Variants in PDE4C observed in about 807,000 individuals in gnomAD.
The protein encoded by PDE4C is phosphodiesterase 4C, also known as 3',5'-cyclic-AMP phosphodiesterase 4C.
A neutral mutation model predicts 63.9 loss-of-function variants in PDE4C; 50 were observed. The ratio of observed to expected loss-of-function variants is 0.78; its 90% CI spans 0.62 to 0.99. The LOEUF is 0.99. PDE4C is among the 50% of genes least tolerant of loss of function. The probability of loss-of-function intolerance (pLI) is 0.00; values close to 1 mark genes in which losing one functional copy is unlikely to be tolerated. For missense variants in PDE4C, 777 were observed against 899.1 expected (o/e 0.86, Z 1.74); for synonymous variants, 377 against 385.1 (o/e 0.98, Z 0.25).
chr19:18,210,607 AC>A (rs1207448632), exon 15 of PDE4C: 6 of 248,766 alleles, frequency 2.4e-5, no homozygotes, highest in African/African-American at 8.9e-5. Context: ...CTCAAGAGTG[AC>A]CACTGGAGAG....
At chr19:18,244,016 G>A (rs1218256845) in intron 1 of PDE4C, among the ~76,000 whole-genome samples, 1 of 151,634 alleles carries the variant, frequency 6.6e-6, no homozygotes, top group Non-Finnish European at 1.5e-5. Context: ...CACGATGCCA[G>A]GCTAATCTTT....
chr19:18,213,275 C>T (rs982511945), intron 13 of PDE4C, 93 bp downstream of exon 13: 4 of 1,174,610 alleles, frequency 3.4e-6, no homozygotes, highest in African/African-American at 1.6e-5. Flanking sequence ...CAGAGTGAGA[C>T]TCCGTCTCAA....
At chr19:18,244,005 C>A (rs1259534886) in intron 1 of PDE4C, among the ~76,000 whole-genome samples, 2 of 152,090 alleles carry the variant, frequency 1.3e-5, no homozygotes, top group African/African-American at 4.8e-5. Context: ...CAGGCGCCCA[C>A]CACGATGCCA....
upstream of PDE4C, chr19:18,252,513 C>T (rs1213998916): frequency 2.5e-6 from 1 of 398,788 alleles, no homozygotes; most frequent in East Asian, 3.6e-5. Context: ...GCCTGTAATT[C>T]CAGCACTTTG....
chr19:18,226,466 T>C, exon 1 of PDE4C: 1 of 1,329,724 alleles, frequency 7.5e-7, no homozygotes, highest in Non-Finnish European at 9.6e-7. Context: ...CGGGACCTTT[T>C]CTGGACAGCT....
chr19:18,210,057 G>A (rs1967860619), downstream of PDE4C: 2 of 152,296 alleles, frequency 1.3e-5, no homozygotes, highest in African/African-American at 4.8e-5. Flanking sequence ...ATCTTGCTGT[G>A]TTGCCCAGGC....
At chr19:18,228,004 C>T (rs145520479), upstream of PDE4C, among the ~76,000 whole-genome samples, 97 of 152,262 alleles carry the variant, frequency 6.4e-4, 1 homozygote, top group African/African-American at 1.8e-3. Context: ...CCCTAACCCC[C>T]GCAGTCTTGC....
intron 2 of PDE4C, 113 bp from the exon 3 acceptor site, chr19:18,221,410 C>G: frequency 1.8e-6 from 2 of 1,105,234 alleles, no homozygotes; most frequent in Non-Finnish European, 2.6e-6. Context: ...CTCCAGGCTC[C>G]TTCTTAGTCC....
intron 1 of PDE4C, among the ~76,000 whole-genome samples, chr19:18,222,902 T>C (rs1968556065): frequency 6.6e-6 from 1 of 151,842 alleles, no homozygotes; most frequent in African/African-American, 2.4e-5. Context: ...GTCTCACTAT[T>C]TTGCCCAGGC....
exon 1 of PDE4C, chr19:18,233,540 A>C: frequency 1.8e-6 from 1 of 551,768 alleles, no homozygotes; most frequent in Non-Finnish European, 3.5e-6. Context: ...CAAGACAAGG[A>C]CTTGGAGTGG....
exon 13 of PDE4C, chr19:18,213,483 GCCA>G (rs1180482084): frequency 6.2e-7 from 1 of 1,611,574 alleles, no homozygotes; most frequent in African/African-American, 1.3e-5. Context: ...CATGTCTGTG[GCCA>G]GCACCTGGGG....
chr19:18,215,486 T>TA (rs10712414), intron 12 of PDE4C, among the ~76,000 whole-genome samples: 52 of 146,176 alleles, frequency 3.6e-4, no homozygotes, highest in East Asian at 2.8e-3. Context: ...TGCCCCTACC[T>TA]AAAAAAAAAA....
chr19:18,221,234 A>C, intron 3 of PDE4C, 27 bp downstream of exon 3: 1 of 1,060,588 alleles, frequency 9.4e-7, no homozygotes, highest in East Asian at 3.5e-5. Context: ...GGAGGGGGTC[A>C]GGGCAGGGAG....
upstream of PDE4C, among the ~76,000 whole-genome samples, chr19:18,234,846 A>C (rs995652888): frequency 6.6e-6 from 1 of 152,106 alleles, no homozygotes; most frequent in African/African-American, 2.4e-5. Context: ...TGTGTGACGC[A>C]TGACAAATGA....
intron 1 of PDE4C, among the ~76,000 whole-genome samples, chr19:18,247,019 G>C (rs4808120): frequency 6.6e-6 from 1 of 152,066 alleles, no homozygotes; most frequent in Non-Finnish European, 1.5e-5. Context: ...TCCAGCCCCC[G>C]CAGGGTTTTC....
chr19:18,213,567 ACT>A, intron 12 of PDE4C, 77 bp from the exon 13 acceptor site: 1 of 1,486,376 alleles, frequency 6.7e-7, no homozygotes, highest in Non-Finnish European at 9.1e-7. Context: ...CCCAGATGCC[ACT>A]CTGGCTCAGA....
intron 1 of PDE4C, among the ~76,000 whole-genome samples, chr19:18,247,450 T>C (rs144384103): frequency 1.3e-5 from 2 of 152,292 alleles, no homozygotes; most frequent in Non-Finnish European, 2.9e-5. Context: ...TGAGCCACCA[T>C]GCCCAGCTAA....
chr19:18,216,780 G>A, exon 12 of PDE4C: 1 of 1,600,198 alleles, frequency 6.2e-7, no homozygotes, highest in Non-Finnish European at 8.5e-7. Flanking sequence ...GTCGCTGCTT[G>A]GCGCTGAGGT....
chr19:18,232,876 A>C, intron 1 of PDE4C: 3 of 1,360,266 alleles, frequency 2.2e-6, no homozygotes, highest in Non-Finnish European at 1.9e-6. Flanking sequence ...AGAAGCAAGG[A>C]CCCTCCCCCA....
Sources: allele counts gnomAD v4.1 joint callset (sites outside exome capture counted in the v4.1 genomes callset), GRCh38; gene constraint gnomAD v4.1.1; transcripts MANE v1.5; gene names NCBI Gene and HGNC (gene_info 2026-07-23, HGNC 2026-07-21).